Variants in YEATS2 observed in about 807,000 individuals in gnomAD.
YEATS2 encodes the protein YEATS domain containing 2.
Under a neutral mutation model 163.2 loss-of-function variants are expected in YEATS2, and 77 were observed. That is an observed-to-expected ratio of 0.47 (90% confidence interval 0.39 to 0.57). The LOEUF (loss-of-function observed/expected upper bound fraction) is 0.57. Among genes scored for constraint, YEATS2 ranks in the 20% least tolerant of loss-of-function variants. The pLI is 0.00. For synonymous variants in YEATS2, 631 were observed against 645.1 expected, an observed-to-expected ratio of 0.98 and a Z score of 0.33; for missense variants, 1,549 against 1,729.8, an observed-to-expected ratio of 0.90 and a Z score of 1.85.
chr3:183,792,240 C>G (rs1051308585), intron 21 of YEATS2, among the ~76,000 whole-genome samples: 1 of 152,144 alleles, frequency 6.6e-6, no homozygotes, highest in Non-Finnish European at 1.5e-5. Context: ...AACCCATCAT[C>G]TAGGTTTTAA....
rs377747123 is a variant in YEATS2 at position 183,807,041 on chromosome 3, C to G, written c.3960C>G (p.Phe1320Leu). ...EQEEKQEEVKFYLPPTPGSEF... is the reference protein window; with the variant it reads ...EQEEKQEEVKLYLPPTPGSEF... ...AAGAGAAACAAGAGGAAGTCAAGTTCTACCTGCCACCAACCCCAGGGTCTG... is the reference window on the plus strand; with the variant it reads ...AAGAGAAACAAGAGGAAGTCAAGTTGTACCTGCCACCAACCCCAGGGTCTG... Residue 1320 changes from phenylalanine to leucine, a missense_variant, in exon 28 of 31, where the codon TTC becomes TTG. Coordinates refer to ENST00000305135, the MANE Select transcript of YEATS2 (RefSeq NM_018023.5). The G allele has an allele frequency of 2.1e-4, 342 of 1,613,976 alleles. No individual in the cohort carries two copies. Among genetic ancestry groups the G allele is most frequent in the Non-Finnish European group, 2.7e-4 (320 of 1,180,026 alleles).
At chr3:183,730,059 T>TGC (rs1560244382) in intron 7 of YEATS2, among the ~76,000 whole-genome samples, 1 of 72,500 alleles carries the variant, frequency 1.4e-5, no homozygotes, top group Non-Finnish European at 2.5e-5. Flanking sequence ...TTTGTTTTTT[T>TGC]TTTTTTTTTT....
chr3:183,743,544 C>T (rs577444677), intron 8 of YEATS2, among the ~76,000 whole-genome samples: 2 of 151,900 alleles, frequency 1.3e-5, no homozygotes, highest in East Asian at 1.9e-4. Flanking sequence ...TTTTTTTCCA[C>T]TGTGTTGCCC....
intron 26 of YEATS2, 166 bp from the exon 27 acceptor site, chr3:183,803,821 A>C: frequency 1.4e-6 from 1 of 692,312 alleles, no homozygotes; most frequent in Non-Finnish European, 2.4e-6. Flanking sequence ...GCATTAGGGA[A>C]GTTCGACTTT....
chr3:183,793,103 T>C lies in YEATS2; in HGVS notation c.3097+2123T>C, dbSNP rs1316138030. 12 of 1,267,932 alleles carry C rather than the reference T, an allele frequency of 9.5e-6. No homozygotes were observed. In the Admixed American group the frequency reaches 2.8e-4, roughly 29 times the overall value. The allele number at this position is 1,267,932 out of a possible 1,614,324, so 78.5% of individuals were successfully genotyped here. ...CTGTTAAAGTTTCTAAATACTGTAT[T>C]ATCTTGTTGCAGATTGATACCAGCC... is the stretch of plus-strand genomic sequence containing the variant. On this transcript the variant is annotated intron_variant, in intron 21 of 30. Coordinates refer to ENST00000305135, the MANE Select transcript of YEATS2 (RefSeq NM_018023.5).
intron 21 of YEATS2, chr3:183,792,974 T>C: frequency 2.6e-6 from 1 of 383,720 alleles, no homozygotes; most frequent in Non-Finnish European, 4.6e-6. Flanking sequence ...ATATATGGCT[T>C]TGCTTCTCAA....
chr3:183,806,735 T>C, intron 27 of YEATS2, 131 bp from the exon 28 acceptor site: 3 of 824,980 alleles, frequency 3.6e-6, no homozygotes, highest in Non-Finnish European at 1.9e-6. Flanking sequence ...ATCCATAGAA[T>C]GTTAGAACTG....
chr3:183,731,836 T>TG (rs1717815439), intron 7 of YEATS2, among the ~76,000 whole-genome samples: 2 of 152,242 alleles, frequency 1.3e-5, no homozygotes. Context: ...GTTGCAAAGA[T>TG]GGTCTGCTGT....
chr3:183,762,210 G>C lies in YEATS2; in HGVS notation c.1878G>C (p.Val626=), dbSNP rs375768691. Residue 626 remains valine (V), a synonymous_variant, in exon 15 of 31, where the codon GTG becomes GTC. Transcript: ENST00000305135. ...VTVKGGHMIA[V]SPQKQVITPG... is the part of the protein sequence containing the mutation. The stretch of plus-strand genomic sequence containing the variant: ...TGAAAGGGGGTCACATGATAGCTGT[G>C]TCCCCTCAAAAACAGGTCATAACTC... 52 of 1,613,958 alleles carry C rather than the reference G, an allele frequency of 3.2e-5. No individual in the cohort carries two copies. The highest frequency in any genetic ancestry group is 1.6e-4 in the Middle Eastern group (1 of 6,078).
chr3:183,806,200 A>C (rs1454557678), intron 27 of YEATS2: 1 of 422,502 alleles, frequency 2.4e-6, no homozygotes, highest in Non-Finnish European at 4.6e-6. Flanking sequence ...TTTTCAACTT[A>C]CGATGGGTTT....
chr3:183,750,887 C>T (rs566103765), intron 9 of YEATS2, among the ~76,000 whole-genome samples: 1 of 152,108 alleles, frequency 6.6e-6, no homozygotes, highest in Admixed American at 6.6e-5. Flanking sequence ...TACTTCCATT[C>T]CGTGTTATAT....
intron 27 of YEATS2, among the ~76,000 whole-genome samples, chr3:183,805,902 G>T (rs772698771): frequency 4.6e-5 from 7 of 152,076 alleles, no homozygotes; most frequent in Admixed American, 2.6e-4. Context: ...ACAGCATGAG[G>T]GCTTGTCTGA....
Position 183,773,695 on chromosome 3 carries a change from A to G in YEATS2, c.2269A>G (p.Thr757Ala). ...LANLANLPPG[T>A]KLYLTTNSKN... ...CAACTTGGCAAATTTGCCTCCTGGC[A>G]CTAAACTCTACCTAACTACAAACAG... The change falls in exon 17 of 31, where the codon ACT (threonine) becomes GCT (alanine). Residue 757 changes from threonine to alanine, a missense_variant. By Grantham distance (58) the Thr-to-Ala change is moderately conservative (BLOSUM62 0). Coordinates refer to ENST00000305135, the MANE Select transcript of YEATS2 (RefSeq NM_018023.5). 6.2e-7 allele frequency: 1 copy of G among 1,613,514 alleles called. No individual in the cohort carries two copies. Among genetic ancestry groups the G allele is most frequent in the Non-Finnish European group, 8.5e-7 (1 of 1,179,818 alleles).
rs757473601 is a variant in YEATS2 at position 183,752,092 on chromosome 3, A to G, written c.989A>G (p.His330Arg). The G allele has an allele frequency of 1.2e-5, 20 of 1,613,896 alleles. No individual in the cohort carries two copies. The African/African-American group carries it at 2.1e-4, about 17-fold the overall frequency. Residue 330 changes from histidine (H) to arginine (R), a missense_variant, in exon 10 of 31, where the codon CAT (histidine) becomes CGT (arginine). By Grantham distance (29) the His-to-Arg change is conservative (BLOSUM62 0). Transcript: ENST00000305135. ...GTCTAGGTAGTGGATGTTGAACTCC[A>G]TCGCCATTCTCTCGGAGAAGACTGT... is the stretch of plus-strand genomic sequence containing the variant. Reference protein sequence around the residue: ...GAETVVDVELHRHSLGEDCIY... With the variant: ...GAETVVDVELRRHSLGEDCIY...
chr3:183,751,650 C>A (rs932191379), intron 9 of YEATS2, among the ~76,000 whole-genome samples: 2 of 152,156 alleles, frequency 1.3e-5, no homozygotes, highest in Non-Finnish European at 2.9e-5. Context: ...CAAATAAGTG[C>A]TGTGAAGATA....
At chr3:183,722,480 G>A (rs535248825) in intron 5 of YEATS2, among the ~76,000 whole-genome samples, 16 of 151,876 alleles carry the variant, frequency 1.1e-4, no homozygotes, top group East Asian at 1.9e-4. Flanking sequence ...TAGTAGAGAC[G>A]GGATTTCACC....
intron 10 of YEATS2, among the ~76,000 whole-genome samples, chr3:183,753,781 A>G (rs1751018911): frequency 6.6e-6 from 1 of 152,190 alleles, no homozygotes; most frequent in South Asian, 2.1e-4. Flanking sequence ...GGAGGATATC[A>G]TTAGATTTAG....
chr3:183,728,115 A>C (rs1158159699), intron 6 of YEATS2, among the ~76,000 whole-genome samples: 1 of 151,914 alleles, frequency 6.6e-6, no homozygotes, highest in East Asian at 1.9e-4. Context: ...CCTAGACTGA[A>C]GTACAGTGAT....
At chr3:183,725,895 G>A (rs980050764) in intron 6 of YEATS2, among the ~76,000 whole-genome samples, 2 of 152,116 alleles carry the variant, frequency 1.3e-5, no homozygotes, top group Non-Finnish European at 2.9e-5. Flanking sequence ...TTGACTTTTT[G>A]TTCTTCTTCA....
Sources: gnomAD v4.1 joint callset for allele counts (sites outside exome capture counted in the v4.1 genomes callset) on GRCh38, gnomAD v4.1.1 for gene constraint, MANE v1.5 for transcripts, NCBI Gene and HGNC (gene_info 2026-07-23, HGNC 2026-07-21) for gene names.